Variants in RBFOX1 observed in about 807,000 individuals in gnomAD.
The protein encoded by RBFOX1 is RNA binding fox-1 homolog 1, also known as RNA binding protein fox-1 homolog 1.
In RBFOX1, 8 loss-of-function variants were observed where a neutral mutation model predicts 57.7. That is an observed-to-expected ratio of 0.14 (90% CI 0.08 to 0.25). The LOEUF (loss-of-function observed/expected upper bound fraction) is 0.25. Among genes scored for constraint, RBFOX1 ranks in the 10% least tolerant of loss-of-function variants. RBFOX1 has a pLI of 1.00. For missense variants in RBFOX1, 611 were observed against 548.5 expected, an observed-to-expected ratio of 1.11 and a Z score of -1.14; for synonymous variants, 326 against 222.4, an observed-to-expected ratio of 1.47 and a Z score of -4.15.
chr16:7,696,337 A>G (rs1032334438), intron 14 of RBFOX1, among the ~76,000 whole-genome samples: 10 of 152,166 alleles, frequency 6.6e-5, no homozygotes, highest in Admixed American at 5.9e-4. Context: ...GTCCTCATTC[A>G]GTAACATCAA....
At chr16:7,141,963 T>A (rs905031951) in intron 4 of RBFOX1, among the ~76,000 whole-genome samples, 1 of 152,106 alleles carries the variant, frequency 6.6e-6, no homozygotes, top group Admixed American at 6.6e-5. Context: ...CTATTTCTTA[T>A]TTTCCTTCTC....
chr16:6,560,852 G>A (rs2097170833), intron 2 of RBFOX1, among the ~76,000 whole-genome samples: 1 of 152,140 alleles, frequency 6.6e-6, no homozygotes, highest in Non-Finnish European at 1.5e-5. Context: ...CAAGCCTAGT[G>A]CTTGGCATGT....
At chr16:5,940,217 A>C (rs2059251672) in intron 4 of RBFOX1, among the ~76,000 whole-genome samples, 1 of 152,196 alleles carries the variant, frequency 6.6e-6, no homozygotes, top group Non-Finnish European at 1.5e-5. Flanking sequence ...AACCATCTCT[A>C]GTTGTGTGAC....
chr16:6,040,700 T>C (rs1471662945), intron 1 of RBFOX1, among the ~76,000 whole-genome samples: 1 of 150,938 alleles, frequency 6.6e-6, no homozygotes, highest in African/African-American at 2.4e-5. Flanking sequence ...GTTCAAGTGA[T>C]TCTCCTGCCT....
chr16:6,169,041 C>T (rs2096939007), intron 1 of RBFOX1, among the ~76,000 whole-genome samples: 1 of 152,014 alleles, frequency 6.6e-6, no homozygotes, highest in East Asian at 1.9e-4. Context: ...TCATAATGAG[C>T]GTCATATAAA....
At chr16:6,177,411 T>C (rs2097020860) in intron 1 of RBFOX1, among the ~76,000 whole-genome samples, 1 of 152,124 alleles carries the variant, frequency 6.6e-6, no homozygotes, top group Non-Finnish European at 1.5e-5. Context: ...TTTTTTCTTA[T>C]TTGACTATTG....
intron 1 of RBFOX1, among the ~76,000 whole-genome samples, chr16:6,071,443 G>A (rs1222280387): frequency 1.3e-5 from 2 of 152,082 alleles, no homozygotes; most frequent in African/African-American, 2.4e-5. Flanking sequence ...GAATACTTGG[G>A]TGACAAGATA....
At chr16:5,966,997 G>GT (rs2059857946) in intron 4 of RBFOX1, among the ~76,000 whole-genome samples, 1 of 138,010 alleles carries the variant, frequency 7.2e-6, no homozygotes, top group Admixed American at 7.4e-5. Context: ...AAATCGGGGG[G>GT]GGGGGGGTCA....
intron 3 of RBFOX1, among the ~76,000 whole-genome samples, chr16:6,737,397 C>G (rs1359879241): frequency 6.6e-6 from 1 of 152,090 alleles, no homozygotes. Flanking sequence ...AAATATTGGG[C>G]CTTCATGTAA....
At chr16:7,183,821 T>C (rs2083202121) in intron 4 of RBFOX1, among the ~76,000 whole-genome samples, 1 of 152,224 alleles carries the variant, frequency 6.6e-6, no homozygotes, top group Non-Finnish European at 1.5e-5. Context: ...ATGCCTCCTA[T>C]TGTCAGGTGT....
intron 7 of RBFOX1, among the ~76,000 whole-genome samples, chr16:7,592,308 C>A (rs1364358008): frequency 6.6e-6 from 1 of 152,196 alleles, no homozygotes; most frequent in Non-Finnish European, 1.5e-5. Flanking sequence ...TTAGTTCATG[C>A]CCCTTCCTTG....
intron 2 of RBFOX1, among the ~76,000 whole-genome samples, chr16:6,604,540 C>A (rs9921102): frequency 0.57 from 86,374 of 151,834 alleles, 25,163 homozygotes; most frequent in African/African-American, 0.69. Context: ...GGAGTTGCTT[C>A]AAATACTTTA....
chr16:5,431,725 C>T lies in RBFOX1; in HGVS notation c.220-35491C>T, dbSNP rs2067742279. ...CACTGCGATTGTCTTGCGGGACTAC[C>T]CATAGTCATGCAGAAGATGGCAAGT... is the stretch of plus-strand genomic sequence containing the variant. On this transcript the variant is annotated intron_variant, in intron 1 of 2. Transcript: ENST00000585867. 1.3e-5 allele frequency among the ~76,000 whole-genome samples: 2 copies of T among 152,060 alleles called. 1 individual carries two copies. The highest frequency in any genetic ancestry group is 1.3e-4 in the Admixed American group (2 of 15,256).
At chr16:6,347,775 C>T (rs1359767054) in intron 2 of RBFOX1, among the ~76,000 whole-genome samples, 1 of 152,200 alleles carries the variant, frequency 6.6e-6, no homozygotes, top group Non-Finnish European at 1.5e-5. Context: ...TCAAAATTGA[C>T]AGTCTACCTG....
At chr16:6,089,448 A>G (rs893827923) in intron 1 of RBFOX1, among the ~76,000 whole-genome samples, 1 of 152,220 alleles carries the variant, frequency 6.6e-6, no homozygotes, top group African/African-American at 2.4e-5. Context: ...CAGAGGGCCT[A>G]TAAGGAAGGA....
chr16:6,883,961 G>C (rs2063454791), intron 3 of RBFOX1, among the ~76,000 whole-genome samples: 1 of 152,140 alleles, frequency 6.6e-6, no homozygotes, highest in South Asian at 2.1e-4. Flanking sequence ...ACGGTCCAAA[G>C]CGCAGAGGAG....
At chr16:6,049,739 A>C (rs1038868567) in intron 1 of RBFOX1, among the ~76,000 whole-genome samples, 1 of 152,176 alleles carries the variant, frequency 6.6e-6, no homozygotes. Flanking sequence ...GGTTCAGAGC[A>C]AAATTGAGCA....
chr16:6,868,011 A>G lies in RBFOX1; in HGVS notation c.-15-184046A>G, dbSNP rs143866674. 6.6e-5 allele frequency among the ~76,000 whole-genome samples: 10 copies of G among 152,338 alleles called. No individual in the cohort carries two copies. In the East Asian group the frequency reaches 1.5e-3, roughly 24 times the overall value. On this transcript the variant is annotated intron_variant, in intron 3 of 15. Coordinates refer to ENST00000550418, the MANE Select transcript of RBFOX1 (RefSeq NM_018723.4). ...TGATTTTTTCTGAGAAGCTGAAACT[A>G]CTATACTTCAGTTAACTTATTTGCG...
At chr16:6,213,001 A>T (rs559764881) in intron 1 of RBFOX1, among the ~76,000 whole-genome samples, 50 of 152,258 alleles carry the variant, frequency 3.3e-4, no homozygotes, top group African/African-American at 1.2e-3. Context: ...TTTTATATTC[A>T]CTGTTGTGGT....
Sources: gnomAD v4.1 joint callset for allele counts (sites outside exome capture counted in the v4.1 genomes callset) on GRCh38, gnomAD v4.1.1 for gene constraint, MANE v1.5 for transcripts, NCBI Gene and HGNC (gene_info 2026-07-23, HGNC 2026-07-21) for gene names.